The following IL18 variants were observed in gnomAD, a reference collection of about 807,000 sequenced individuals.
The protein encoded by IL18 is interleukin-18.
Under a neutral mutation model 14.2 loss-of-function variants are expected in IL18, and 8 were observed. The ratio of observed to expected loss-of-function variants is 0.56; its 90% CI spans 0.33 to 1.01. IL18 has a LOEUF of 1.01. Among genes scored for constraint, IL18 ranks in the 50% least tolerant of loss-of-function variants. The pLI is 0.03. For synonymous variants in IL18, 67 were observed against 71.0 expected (o/e 0.94, Z 0.28); for missense variants, 166 against 231.1 (o/e 0.72, Z 1.83).
At position 112,149,072 on chromosome 11, in the gene IL18, C is replaced by G. The variant is rs145738256; in HGVS notation, c.227-336G>C. On this transcript the variant is annotated intron_variant, in intron 4 of 5. Transcript: ENST00000280357. ...TTGGGAGGCTGAGGCAGGCAGATCA[C>G]TTGAGGTTAGGGGTTTGAGACCAGC... 9.3e-3 allele frequency among the ~76,000 whole-genome samples: 1,423 copies of G among 152,196 alleles called. 13 individuals are homozygous for G. The highest frequency in any genetic ancestry group is 0.037 in the Middle Eastern group (11 of 294).
At position 112,148,689 on chromosome 11, in the gene IL18, G is replaced by T. The variant is rs867479567; in HGVS notation, c.274C>A (p.Gln92Lys). 1 of 1,510,734 alleles carries T rather than the reference G, an allele frequency of 6.6e-7. No homozygotes were observed. The highest frequency in any genetic ancestry group is 8.9e-7 in the Non-Finnish European group (1 of 1,121,240). The allele number at this position is 1,510,734 out of a possible 1,614,324, so 93.6% of individuals were successfully genotyped here. ...ATAGTTACAGCCATACCTCTAGGCT[G>T]GCTATCTTTATACATACTTATAATA... Reference protein sequence around the residue: ...IFIISMYKDSQPRGMAVTISV... With the variant: ...IFIISMYKDSKPRGMAVTISV... The change falls in exon 5 of 6, where the codon CAG becomes AAG. Residue 92 changes from glutamine (Q) to lysine (K), a missense_variant. Transcript: ENST00000280357.
intron 3 of IL18, among the ~76,000 whole-genome samples, chr11:112,152,487 C>G (rs1440269549): frequency 6.6e-6 from 1 of 152,138 alleles, no homozygotes; most frequent in Non-Finnish European, 1.5e-5. Context: ...TATATTATTT[C>G]TGAATTTTAA....
chr11:112,154,910 C>T, intron 2 of IL18, 65 bp downstream of exon 2: 1 of 1,029,538 alleles, frequency 9.7e-7, no homozygotes, highest in South Asian at 1.4e-5. Context: ...GTTCACCTCA[C>T]AACATCTTTT....
intron 1 of IL18, among the ~76,000 whole-genome samples, chr11:112,155,820 T>A (rs561211392): frequency 6.7e-4 from 102 of 152,296 alleles, no homozygotes; most frequent in African/African-American, 2.4e-3. Context: ...GTGTGAGAAA[T>A]CTGTGAACTT....
intron 5 of IL18, among the ~76,000 whole-genome samples, chr11:112,146,483 G>A (rs997766259): frequency 6.6e-6 from 1 of 152,126 alleles, no homozygotes. Flanking sequence ...ACCATGCCTG[G>A]CTAATTTTTG....
Position 112,143,376 on chromosome 11 carries a change from G to C in IL18, c.*220C>G. The C allele has an allele frequency of 2.5e-6, 1 of 407,796 alleles. No homozygotes were observed. Among genetic ancestry groups the C allele is most frequent in the Non-Finnish European group, 4.4e-6 (1 of 226,520 alleles). The allele number at this position is 407,796 out of a possible 1,614,324, so 25.3% of individuals were successfully genotyped here. A position where few individuals can be genotyped will look rare whatever the true frequency, so the allele number is the denominator to read the frequency against. ...GCTCACCACAACCTCTACCTCCGGA[G>C]TGCAAGTGATTCTCCTGCCTCAGCC... On this transcript the variant is annotated 3_prime_UTR_variant, in exon 6 of 6. Transcript: ENST00000280357.
At chr11:112,152,862 G>T (rs1383082700) in intron 3 of IL18, 2 of 152,176 alleles carry the variant, frequency 1.3e-5, no homozygotes, top group South Asian at 4.1e-4. Context: ...TTCAGCTACT[G>T]TATCTTTGGA....
At position 112,158,521 on chromosome 11, in the gene IL18, G is replaced by GTTTTTTTTTTTTT. The variant is rs71060226; in HGVS notation, c.-8-3473_-8-3461dup. 9.5e-3 allele frequency among the ~76,000 whole-genome samples: 993 copies of GTTTTTTTTTTTTT among 104,846 alleles called. 78 individuals are homozygous for GTTTTTTTTTTTTT. Among genetic ancestry groups the GTTTTTTTTTTTTT allele is most frequent in the East Asian group, 0.04 (155 of 3,860 alleles). The allele number at this position is 104,846 out of a possible 152,430, so 68.8% of individuals were successfully genotyped here. A position where few individuals can be genotyped will look rare whatever the true frequency, so the allele number is the denominator to read the frequency against. ...CTTGGTTTCAACATATTTATTTGGAGTTTTTTTTTTTTTGCACAGCAGTAA... is the reference window on the plus strand; with the variant it reads ...CTTGGTTTCAACATATTTATTTGGAGTTTTTTTTTTTTTTTTTTTTTTTTTTGCACAGCAGTAA... On this transcript the variant is annotated intron_variant, in intron 1 of 5. Transcript: ENST00000280357.
At position 112,148,724 on chromosome 11, in the gene IL18, CG is replaced by C; in HGVS notation, c.238del (p.Arg80GlyfsTer6). The C allele has an allele frequency of 6.9e-7, 1 of 1,448,282 alleles. No individual in the cohort carries two copies. 89.7% of individuals were successfully genotyped at this position (1,448,282 alleles called of 1,614,324 possible). On this transcript the variant is annotated frameshift_variant, in exon 5 of 6. Coordinates refer to ENST00000280357, the MANE Select transcript of IL18 (RefSeq NM_001562.4). LOFTEE classifies it high-confidence loss of function. The part of the protein sequence containing the change: ...TDSDCRDNAP[R>X]TIFIISMYKD... ...ATACATACTTATAATAAATATGGTCCGGGGTGCATTATCTGAAATAAATATA... is the reference window on the plus strand; with the variant it reads ...ATACATACTTATAATAAATATGGTCCGGGTGCATTATCTGAAATAAATATA...
chr11:112,158,825 G>T (rs1467366989), intron 1 of IL18, among the ~76,000 whole-genome samples: 1 of 151,718 alleles, frequency 6.6e-6, no homozygotes. Flanking sequence ...TTTCCATTTT[G>T]CCCATATAAA....
At chr11:112,153,723 T>C (rs1866486471) in intron 2 of IL18, 120 bp from the exon 3 acceptor site, 1 of 620,424 alleles carries the variant, frequency 1.6e-6, no homozygotes, top group South Asian at 2.5e-5. Context: ...ATTTTTATGG[T>C]TTAAGGGTCT....
intron 5 of IL18, among the ~76,000 whole-genome samples, chr11:112,144,224 G>C (rs903391286): frequency 1.3e-5 from 2 of 152,152 alleles, no homozygotes; most frequent in Admixed American, 1.3e-4. Flanking sequence ...ACTTAGGCTA[G>C]TTCTAGTTTC....
chr11:112,151,658 G>A (rs1866440943), intron 3 of IL18, among the ~76,000 whole-genome samples: 1 of 152,004 alleles, frequency 6.6e-6, no homozygotes, highest in South Asian at 2.1e-4. Context: ...TTCACTCATT[G>A]CAATCTGCCT....
intron 5 of IL18, among the ~76,000 whole-genome samples, chr11:112,146,408 C>T (rs1592807209): frequency 6.6e-6 from 1 of 152,260 alleles, no homozygotes; most frequent in African/African-American, 2.4e-5. Context: ...GCAGCCTACA[C>T]CTCCTGGTTT....
Position 112,155,041 on chromosome 11 carries a change from G to T in IL18, c.13C>A (p.Pro5Thr). The T allele has an allele frequency of 6.2e-7, 1 of 1,611,306 alleles. No individual in the cohort carries two copies. The highest frequency in any genetic ancestry group is 8.5e-7 in the Non-Finnish European group (1 of 1,177,628). The change falls in exon 2 of 6, where the codon CCA becomes ACA. Residue 5 changes from proline (P) to threonine (T), a missense_variant. Transcript: ENST00000280357. Reference protein sequence around the residue: MAAEPVEDNCINFVA... With the variant: MAAETVEDNCINFVA... ...AAGTTGATGCAATTGTCTTCTACTG[G>T]TTCAGCAGCCATCTTTATTCCTAAT...
chr11:112,147,989 G>A (rs1866371230), intron 5 of IL18, among the ~76,000 whole-genome samples: 1 of 152,162 alleles, frequency 6.6e-6, no homozygotes, highest in East Asian at 1.9e-4. Context: ...TAGAGAAAAA[G>A]TAGAGGCCAG....
intron 5 of IL18, among the ~76,000 whole-genome samples, chr11:112,146,033 CTT>C (rs10708869): frequency 0.017 from 2,214 of 131,120 alleles, 58 homozygotes; most frequent in African/African-American, 0.05. Flanking sequence ...GGATTTCTTT[CTT>C]TTTTTTTTTT....
chr11:112,162,537 T>C (rs1206428775), intron 1 of IL18, among the ~76,000 whole-genome samples: 1 of 151,900 alleles, frequency 6.6e-6, no homozygotes, highest in Non-Finnish European at 1.5e-5. Flanking sequence ...AGAGACAGGG[T>C]TTTTGCCATG....
chr11:112,158,343 G>A (rs1349846325), intron 1 of IL18, among the ~76,000 whole-genome samples: 1 of 152,164 alleles, frequency 6.6e-6, no homozygotes, highest in Non-Finnish European at 1.5e-5. Context: ...TATTCTTGGA[G>A]TACATAAACC....
Sources: allele counts gnomAD v4.1 joint callset (sites outside exome capture counted in the v4.1 genomes callset), GRCh38; gene constraint gnomAD v4.1.1; transcripts MANE v1.5; gene names NCBI Gene and HGNC (gene_info 2026-07-23, HGNC 2026-07-21).